The following RDX variants were observed in gnomAD, a reference collection of about 807,000 sequenced individuals.
RDX encodes radixin, also known as deafness, autosomal recessive 24.
A neutral mutation model predicts 83.7 loss-of-function variants in RDX; 32 were observed. That is an observed-to-expected ratio of 0.38 (90% CI 0.29 to 0.51). RDX has a LOEUF of 0.51. Among genes scored for constraint, RDX ranks in the 20% least tolerant of loss-of-function variants. RDX has a pLI of 0.87. For missense variants in RDX, 600 were observed against 689.9 expected (o/e 0.87, Z 1.46); for synonymous variants, 229 against 222.7 (o/e 1.03, Z -0.25).
intron 14 of RDX, among the ~76,000 whole-genome samples, chr11:110,217,405 A>G (rs1864093225): frequency 6.6e-6 from 1 of 152,202 alleles, no homozygotes; most frequent in African/African-American, 2.4e-5. Flanking sequence ...GATATTCTGA[A>G]TGACTAGTAC....
chr11:110,244,363 C>CAAAAAAAAAAAAAAAAA (rs71053874), intron 10 of RDX, among the ~76,000 whole-genome samples: 2 of 51,292 alleles, frequency 3.9e-5, no homozygotes, highest in Non-Finnish European at 6.7e-5. Context: ...GATTCTGGCT[C>CAAAAAAAAAAAAAAAAA]AAAAAAAAAA....
chr11:110,286,707 C>G lies in RDX; in HGVS notation c.-64-6951G>C, dbSNP rs116783404. 6.0e-3 allele frequency among the ~76,000 whole-genome samples: 909 copies of G among 152,230 alleles called. 4 individuals carry two copies. The highest frequency in any genetic ancestry group is 0.02 in the African/African-American group (813 of 41,538). On this transcript the variant is annotated intron_variant, in intron 1 of 13. Transcript: ENST00000645495. ...AACATAATTGTGGTCTCTCCAGAAA[C>G]CAAAATATTCCAAGAGAACTCATCT... is the stretch of plus-strand genomic sequence containing the variant.
chr11:110,178,859 C>T (rs1170993575), intron 15 of RDX, among the ~76,000 whole-genome samples: 1 of 152,186 alleles, frequency 6.6e-6, no homozygotes, highest in Admixed American at 6.5e-5. Flanking sequence ...GACATATCTG[C>T]TTTGGCTGGC....
chr11:110,251,044 T>C (rs1333246480), intron 9 of RDX, among the ~76,000 whole-genome samples: 2 of 152,226 alleles, frequency 1.3e-5, no homozygotes. Flanking sequence ...TTCATCTATG[T>C]TGGCTTCTTC....
chr11:110,289,143 C>CA (rs1212601566), intron 1 of RDX, among the ~76,000 whole-genome samples: 1 of 148,602 alleles, frequency 6.7e-6, no homozygotes, highest in Non-Finnish European at 1.5e-5. Context: ...GAAGCTGAGG[C>CA]AGGAGAATCA....
intron 15 of RDX, among the ~76,000 whole-genome samples, chr11:110,185,848 C>T (rs1183396355): frequency 6.6e-6 from 1 of 152,152 alleles, no homozygotes; most frequent in African/African-American, 2.4e-5. Flanking sequence ...CTGCAGACAG[C>T]TCATTCCCCA....
rs76948720 is a variant in RDX, at chr11:110,252,779, C to T, written c.959+1167G>A. On this transcript the variant is annotated intron_variant, in intron 9 of 13. Transcript: ENST00000645495. Reference sequence around the variant, plus strand: ...CAAAGTAACAATCCAACTCATTACTCTTTTTTTTATTTTTATTTTTAAGAG... The same window carrying T: ...CAAAGTAACAATCCAACTCATTACTTTTTTTTTTATTTTTATTTTTAAGAG... 3.2e-5 allele frequency among the ~76,000 whole-genome samples: 3 copies of T among 92,486 alleles called. No homozygotes were observed. In the South Asian group the frequency reaches 1.2e-3, roughly 36 times the overall value. The allele number at this position is 92,486 out of a possible 152,430, so 60.7% of individuals were successfully genotyped here.
chr11:110,177,901 T>C (rs977749479), intron 15 of RDX, among the ~76,000 whole-genome samples: 1 of 152,052 alleles, frequency 6.6e-6, no homozygotes. Flanking sequence ...TTAGAAACCT[T>C]TGACATTCCC....
At chr11:110,246,963 C>T (rs1859133568) in intron 10 of RDX, among the ~76,000 whole-genome samples, 1 of 151,896 alleles carries the variant, frequency 6.6e-6, no homozygotes, top group African/African-American at 2.4e-5. Flanking sequence ...AGAGTGTAGA[C>T]TTCATGTTAC....
chr11:110,291,056 A>G (rs1861220610), intron 1 of RDX, among the ~76,000 whole-genome samples: 1 of 152,188 alleles, frequency 6.6e-6, no homozygotes, highest in African/African-American at 2.4e-5. Flanking sequence ...AATGAAAATA[A>G]CAGGGCTGGG....
intron 1 of RDX, among the ~76,000 whole-genome samples, chr11:110,283,561 T>C (rs1180501025): frequency 2.6e-5 from 4 of 152,206 alleles, no homozygotes; most frequent in Non-Finnish European, 5.9e-5. Flanking sequence ...AGTAAGTTAA[T>C]ATTTTTTTCA....
At chr11:110,237,893 T>TC (rs1204668909) in intron 10 of RDX, 9 of 546,662 alleles carry the variant, frequency 1.6e-5, no homozygotes, top group Non-Finnish European at 3.1e-5. Flanking sequence ...CGCCTCAGCC[T>TC]CCCAAGTAGC....
At chr11:110,273,242 G>A (rs1178496130) in intron 2 of RDX, among the ~76,000 whole-genome samples, 3 of 152,174 alleles carry the variant, frequency 2.0e-5, no homozygotes, top group East Asian at 3.8e-4. Context: ...AAAAGGCAAA[G>A]GAGGTATTTA....
chr11:110,259,804 T>G (rs1290750573), intron 5 of RDX, among the ~76,000 whole-genome samples: 1 of 152,166 alleles, frequency 6.6e-6, no homozygotes, highest in African/African-American at 2.4e-5. Context: ...CTCGAAAATT[T>G]GTAGAGTGAA....
chr11:110,248,357 A>T (rs980023338), intron 9 of RDX, among the ~76,000 whole-genome samples: 2 of 152,224 alleles, frequency 1.3e-5, no homozygotes, highest in Non-Finnish European at 1.5e-5. Context: ...TCAAAATAGC[A>T]TATGTAGTTA....
intron 14 of RDX, among the ~76,000 whole-genome samples, chr11:110,206,727 ATAC>A (rs1863619226): frequency 1.3e-5 from 2 of 152,334 alleles, no homozygotes; most frequent in Admixed American, 1.3e-4. Flanking sequence ...TGAAGGAAAA[ATAC>A]TACAATAGAT....
At chr11:110,179,575 C>T (rs1862840023) in intron 15 of RDX, among the ~76,000 whole-genome samples, 1 of 152,146 alleles carries the variant, frequency 6.6e-6, no homozygotes, top group Non-Finnish European at 1.5e-5. Flanking sequence ...AAGTTTGAAA[C>T]CAGCCTGGTC....
At chr11:110,252,166 C>T (rs527368985) in intron 9 of RDX, among the ~76,000 whole-genome samples, 78 of 152,184 alleles carry the variant, frequency 5.1e-4, no homozygotes, top group African/African-American at 1.9e-3. Context: ...TACTGAATTC[C>T]AACTGAGTAT....
intron 9 of RDX, among the ~76,000 whole-genome samples, chr11:110,251,670 G>C (rs1193306527): frequency 6.6e-6 from 1 of 152,070 alleles, no homozygotes; most frequent in Admixed American, 6.6e-5. Flanking sequence ...GGGGCTTTCA[G>C]TTTTCACATG....
Sources: allele counts gnomAD v4.1 joint callset (sites outside exome capture counted in the v4.1 genomes callset), GRCh38; gene constraint gnomAD v4.1.1; transcripts MANE v1.5; gene names NCBI Gene and HGNC (gene_info 2026-07-23, HGNC 2026-07-21).